Variants in B4GALT5 observed in about 807,000 individuals in gnomAD.
B4GALT5 encodes the protein beta-1,4-galactosyltransferase 5, also known as UDP-Gal:beta-GlcNAc beta-1,4-galactosyltransferase 5.
Under a neutral mutation model 45.0 loss-of-function variants are expected in B4GALT5, and 11 were observed. The observed-to-expected ratio is 0.24, with a 90% CI of 0.15 to 0.40. The LOEUF is 0.40. Ranked by LOEUF, B4GALT5 falls within the 10% of genes least tolerant of loss-of-function variation. The probability of loss-of-function intolerance (pLI) is 1.00; values close to 1 mark genes in which losing one functional copy is unlikely to be tolerated. For synonymous variants in B4GALT5, 185 were observed against 182.9 expected, an observed-to-expected ratio of 1.01 and a Z score of -0.09; for missense variants, 337 against 500.2, an observed-to-expected ratio of 0.67 and a Z score of 3.11.
At chr20:49,655,537 T>C (rs947209218) in intron 2 of B4GALT5, among the ~76,000 whole-genome samples, 27 of 152,294 alleles carry the variant, frequency 1.8e-4, no homozygotes, top group African/African-American at 6.5e-4. Flanking sequence ...ATTTTTTAAA[T>C]AAAAACCATC....
At chr20:49,697,862 T>C (rs2085845926) in intron 1 of B4GALT5, among the ~76,000 whole-genome samples, 1 of 152,206 alleles carries the variant, frequency 6.6e-6, no homozygotes, top group Admixed American at 6.5e-5. Context: ...TTCCTTAATG[T>C]TATATTCAGG....
intron 2 of B4GALT5, among the ~76,000 whole-genome samples, chr20:49,655,621 G>A (rs772595989): frequency 6.6e-6 from 1 of 151,940 alleles, no homozygotes; most frequent in Non-Finnish European, 1.5e-5. Flanking sequence ...CCTGTATTCA[G>A]TTTTTGAAAG....
chr20:49,673,091 C>G (rs931737664), intron 1 of B4GALT5, among the ~76,000 whole-genome samples: 1 of 152,086 alleles, frequency 6.6e-6, no homozygotes, highest in Non-Finnish European at 1.5e-5. Flanking sequence ...TACAAAAATA[C>G]AGTGGATTGG....
chr20:49,640,384 G>T, intron 6 of B4GALT5, 94 bp downstream of exon 6: 2 of 1,112,356 alleles, frequency 1.8e-6, no homozygotes, highest in Non-Finnish European at 1.2e-6. Context: ...ATCAGTTGAT[G>T]GGCATCTAGG....
intron 2 of B4GALT5, among the ~76,000 whole-genome samples, chr20:49,652,996 AAC>A (rs1440851497): frequency 6.6e-6 from 1 of 152,250 alleles, no homozygotes; most frequent in Non-Finnish European, 1.5e-5. Flanking sequence ...CTAGGTAGAC[AAC>A]TGCTTTGAAA....
At chr20:49,648,923 T>C (rs986065981) in intron 2 of B4GALT5, among the ~76,000 whole-genome samples, 2 of 152,206 alleles carry the variant, frequency 1.3e-5, no homozygotes, top group Non-Finnish European at 2.9e-5. Context: ...TTTCACAGAA[T>C]ATTAAATCCT....
chr20:49,706,408 A>G (rs2085884092), intron 1 of B4GALT5, among the ~76,000 whole-genome samples: 1 of 152,150 alleles, frequency 6.6e-6, no homozygotes, highest in African/African-American at 2.4e-5. Flanking sequence ...TATCTTAATA[A>G]TTCTCAACTT....
At chr20:49,663,641 C>T (rs1315912778) in intron 1 of B4GALT5, among the ~76,000 whole-genome samples, 1 of 123,248 alleles carries the variant, frequency 8.1e-6, no homozygotes, top group Non-Finnish European at 1.6e-5. Flanking sequence ...GAGTTTAAGT[C>T]CAGCCAGAGC....
intron 1 of B4GALT5, among the ~76,000 whole-genome samples, chr20:49,695,284 C>G (rs890573707): frequency 6.6e-6 from 1 of 152,106 alleles, no homozygotes; most frequent in Non-Finnish European, 1.5e-5. Flanking sequence ...TACACAATCC[C>G]CAGCCCCTTT....
chr20:49,705,024 AG>A (rs2085878455), intron 1 of B4GALT5, among the ~76,000 whole-genome samples: 1 of 152,232 alleles, frequency 6.6e-6, no homozygotes, highest in Non-Finnish European at 1.5e-5. Context: ...GAAGTAGAGA[AG>A]GGGCAGCACT....
At chr20:49,676,232 A>C (rs1262300698) in intron 1 of B4GALT5, among the ~76,000 whole-genome samples, 7 of 152,100 alleles carry the variant, frequency 4.6e-5, no homozygotes, top group Admixed American at 4.6e-4. Context: ...GAAAGCTATT[A>C]ACTATACTAT....
chr20:49,712,378 T>C (rs1211195149), intron 1 of B4GALT5, among the ~76,000 whole-genome samples: 1 of 152,032 alleles, frequency 6.6e-6, no homozygotes, highest in African/African-American at 2.4e-5. Flanking sequence ...TCCTCCGCTC[T>C]TAACCTTCAT....
rs144413467 is a variant in B4GALT5 at position 49,636,261 on chromosome 20, C to T, written c.*51G>A. The T allele has an allele frequency of 1.2e-4, 194 of 1,601,076 alleles. No individual in the cohort carries two copies. The African/African-American group carries it at 2.1e-3, about 17-fold the overall frequency. ...TCCCCCCTCCAAAAAAAAATCTCAT[C>T]GGACTGCTTTCTTGGTGGCGGTGGG... On this transcript the variant is annotated 3_prime_UTR_variant, in exon 9 of 9. Coordinates refer to ENST00000371711, the MANE Select transcript of B4GALT5 (RefSeq NM_004776.4).
intron 1 of B4GALT5, among the ~76,000 whole-genome samples, chr20:49,659,588 C>A (rs2085657170): frequency 1.3e-5 from 2 of 151,972 alleles, no homozygotes; most frequent in Admixed American, 1.3e-4. Flanking sequence ...AAAATAAAAA[C>A]TGAGGGAGTA....
intron 1 of B4GALT5, 141 bp from the exon 2 acceptor site, chr20:49,656,843 C>T: frequency 9.2e-7 from 1 of 1,082,740 alleles, no homozygotes; most frequent in Non-Finnish European, 1.3e-6. Flanking sequence ...ATGACCATAA[C>T]TCTATTTTCC....
intron 2 of B4GALT5, among the ~76,000 whole-genome samples, chr20:49,649,510 G>A (rs1337764140): frequency 2.0e-5 from 3 of 152,068 alleles, no homozygotes; most frequent in Non-Finnish European, 4.4e-5. Flanking sequence ...AGCCTGGGAG[G>A]TCGAGGTTCC....
chr20:49,644,206 C>T (rs1000162124), intron 3 of B4GALT5, among the ~76,000 whole-genome samples: 2 of 151,788 alleles, frequency 1.3e-5, no homozygotes, highest in Non-Finnish European at 2.9e-5. Context: ...GGATTACAGT[C>T]GTGGGCCACT....
Position 49,636,383 on chromosome 20 carries a change from T to C in B4GALT5, c.1096A>G (p.Thr366Ala), listed in dbSNP as rs1229559224. 3.7e-6 allele frequency: 6 copies of C among 1,614,136 alleles called. No individual in the cohort carries two copies. Among genetic ancestry groups the C allele is most frequent in the Non-Finnish European group, 5.1e-6 (6 of 1,180,018 alleles). Reference protein sequence around the residue: ...LNNLNYFANITYDALYKNITV... With the variant: ...LNNLNYFANIAYDALYKNITV... Reference sequence around the variant, plus strand: ...ATGTTTTTATACAAGGCGTCGTATGTGATGTTTGCAAAGTAGTTCAGGTTG... The same window carrying C: ...ATGTTTTTATACAAGGCGTCGTATGCGATGTTTGCAAAGTAGTTCAGGTTG... Residue 366 changes from threonine to alanine, a missense_variant, in exon 9 of 9, where the codon ACA (threonine) becomes GCA (alanine). By Grantham distance (58) the Thr-to-Ala change is moderately conservative. Around this residue, in one of 2 missense-constraint regions of B4GALT5, gnomAD observed 163 missense variants for 292.8 expected, o/e 0.56. Coordinates refer to ENST00000371711, the MANE Select transcript of B4GALT5 (RefSeq NM_004776.4).
chr20:49,710,405 C>CTCTTTTTTT (rs60154358), intron 1 of B4GALT5, among the ~76,000 whole-genome samples: 1 of 102,466 alleles, frequency 9.8e-6, no homozygotes, highest in African/African-American at 3.5e-5. Flanking sequence ...TTTTCTCTCT[C>CTCTTTTTTT]TTTTTTTTTT....
Sources: gnomAD v4.1 joint callset for allele counts (sites outside exome capture counted in the v4.1 genomes callset) on GRCh38, gnomAD v4.1.1 for gene constraint, gnomAD v4.1.1 regional missense constraint, MANE v1.5 for transcripts, NCBI Gene and HGNC (gene_info 2026-07-23, HGNC 2026-07-21) for gene names.